Variants in DCDC1 observed in about 807,000 individuals in gnomAD.
The protein encoded by DCDC1 is doublecortin domain-containing protein 1.
Under a neutral mutation model 178.3 loss-of-function variants are expected in DCDC1, and 200 were observed. The observed-to-expected ratio is 1.12, with a 90% CI of 1.00 to 1.26. The LOEUF is 1.26. Among genes scored for constraint, DCDC1 ranks in the 50% most tolerant of loss-of-function variants. DCDC1 has a pLI of 0.00. For synonymous variants in DCDC1, 690 were observed against 604.8 expected (o/e 1.14, Z -2.07); for missense variants, 1,983 against 1,749.2 (o/e 1.13, Z -2.38).
At chr11:31,272,818 A>T (rs951060186) in intron 7 of DCDC1, among the ~76,000 whole-genome samples, 4 of 152,194 alleles carry the variant, frequency 2.6e-5, no homozygotes, top group African/African-American at 9.7e-5. Flanking sequence ...TTCCAGATGC[A>T]TGGTGCAAGT....
chr11:31,286,964 G>A (rs1260897354), intron 7 of DCDC1, among the ~76,000 whole-genome samples: 1 of 152,012 alleles, frequency 6.6e-6, no homozygotes, highest in East Asian at 1.9e-4. Flanking sequence ...CAGACTTTAT[G>A]TGGTGAAATT....
rs1958563144 is a variant in DCDC1 at position 31,102,291 on chromosome 11, A to G, written c.1878-9T>C. The G allele has an allele frequency of 4.5e-6, 3 of 671,572 alleles. No homozygotes were observed. Among genetic ancestry groups the G allele is most frequent in the Non-Finnish European group, 8.3e-6 (3 of 361,998 alleles). 41.6% of individuals were successfully genotyped at this position (671,572 alleles called of 1,614,324 possible). A position where few individuals can be genotyped will look rare whatever the true frequency, so the allele number is the denominator to read the frequency against. ...CCTCACAAACTTCCCAACTAAGAAA[A>G]GTAAAATACGTAATTATTTTTATTA... is the stretch of plus-strand genomic sequence containing the variant. On this transcript the variant is annotated splice_polypyrimidine_tract_variant and intron_variant, in intron 14 of 38. Transcript: ENST00000684477.
intron 6 of DCDC1, among the ~76,000 whole-genome samples, chr11:31,291,639 T>C (rs1947236946): frequency 6.6e-6 from 1 of 152,092 alleles, no homozygotes; most frequent in Non-Finnish European, 1.5e-5. Context: ...AATAAATAAT[T>C]TGCACCTGAG....
chr11:31,089,059 G>A (rs552632378), intron 17 of DCDC1, among the ~76,000 whole-genome samples: 1 of 151,936 alleles, frequency 6.6e-6, no homozygotes. Context: ...ATTTCCATCT[G>A]GTATCATTTT....
intron 21 of DCDC1, among the ~76,000 whole-genome samples, chr11:30,946,411 T>C (rs1216255615): frequency 6.6e-6 from 1 of 152,210 alleles, no homozygotes; most frequent in Non-Finnish European, 1.5e-5. Context: ...TTCAAACATA[T>C]TAATTCATCC....
At chr11:30,900,674 C>T (rs755975629) in intron 32 of DCDC1, among the ~76,000 whole-genome samples, 176 bp from the exon 33 acceptor site, 8 of 151,884 alleles carry the variant, frequency 5.3e-5, no homozygotes, top group Admixed American at 5.2e-4. Context: ...ATATACAACC[C>T]AAAAAATAAA....
intron 38 of DCDC1, 46 bp downstream of exon 38, chr11:30,878,498 T>G: frequency 8.6e-6 from 12 of 1,394,266 alleles, no homozygotes; most frequent in Non-Finnish European, 1.1e-5. Context: ...AAGAGATAAA[T>G]AATCATAATG....
At chr11:31,022,356 C>G (rs752800842) in intron 20 of DCDC1, among the ~76,000 whole-genome samples, 24 of 152,104 alleles carry the variant, frequency 1.6e-4, no homozygotes, top group Non-Finnish European at 2.8e-4. Flanking sequence ...CTAGCTGTGT[C>G]TCTGTCTGTT....
intron 9 of DCDC1, among the ~76,000 whole-genome samples, chr11:31,240,595 ATAT>A (rs1977001880): frequency 1.3e-5 from 2 of 151,992 alleles, no homozygotes; most frequent in South Asian, 4.1e-4. Flanking sequence ...TGCTTTCAAA[ATAT>A]TCATTTTTCA....
In DCDC1 at chr11:30,904,999, G is replaced by T. The variant is rs764255305; in HGVS notation, c.4270C>A (p.Arg1424Ser). The T allele has an allele frequency of 1.9e-6, 3 of 1,613,750 alleles. No homozygotes were observed. Among genetic ancestry groups the T allele is most frequent in the East Asian group, 4.5e-5 (2 of 44,872 alleles). The change falls in exon 31 of 39, where the codon CGT becomes AGT. Residue 1424 changes from arginine (R) to serine (S), a missense_variant. Coordinates refer to ENST00000684477, the MANE Select transcript of DCDC1 (RefSeq NM_001387274.1). ...IIAYKNGDGYRNGKLIVAGTF... is the reference protein window; with the variant it reads ...IIAYKNGDGYSNGKLIVAGTF... ...CCAGCCACAATTAACTTCCCATTAC[G>T]ATACCCATCCCCATTTTTGTATGCA...
chr11:30,905,174 T>A lies in DCDC1; in HGVS notation c.4105-10A>T, dbSNP rs1447951490. 5.1e-6 allele frequency: 8 copies of A among 1,558,196 alleles called. No individual in the cohort carries two copies. The African/African-American group carries it at 5.5e-5, about 11-fold the overall frequency. ...CACACGACAAATCAACCTAATTTTTTAAAAAATAAATTGTACATTTACTCA... is the reference window on the plus strand; with the variant it reads ...CACACGACAAATCAACCTAATTTTTAAAAAAATAAATTGTACATTTACTCA... On this transcript the variant is annotated splice_polypyrimidine_tract_variant and intron_variant, in intron 30 of 38. Coordinates refer to ENST00000684477, the MANE Select transcript of DCDC1 (RefSeq NM_001387274.1).
At chr11:31,143,290 AAT>A (rs1451999046) in intron 9 of DCDC1, among the ~76,000 whole-genome samples, 16 of 152,158 alleles carry the variant, frequency 1.1e-4, no homozygotes, top group Non-Finnish European at 1.5e-4. Context: ...ATTAATAAGT[AAT>A]ATGTTTATTA....
At chr11:30,900,688 A>G (rs1274101480) in intron 32 of DCDC1, among the ~76,000 whole-genome samples, 190 bp from the exon 33 acceptor site, 1 of 152,094 alleles carries the variant, frequency 6.6e-6, no homozygotes, top group Non-Finnish European at 1.5e-5. Flanking sequence ...AAATAAACTA[A>G]TAAGATTGTA....
At chr11:30,899,117 A>AAAAAC (rs1291598007) in intron 34 of DCDC1, among the ~76,000 whole-genome samples, 17 of 152,116 alleles carry the variant, frequency 1.1e-4, no homozygotes, top group Non-Finnish European at 7.4e-5. Flanking sequence ...GATTACTTAA[A>AAAAAC]AAAACAAAAC....
chr11:31,224,411 A>G (rs1457988251), intron 9 of DCDC1, among the ~76,000 whole-genome samples: 1 of 152,104 alleles, frequency 6.6e-6, no homozygotes, highest in Non-Finnish European at 1.5e-5. Context: ...TAAAAATTCT[A>G]GAAGATAACA....
At chr11:31,242,974 G>A (rs888923542) in intron 8 of DCDC1, among the ~76,000 whole-genome samples, 1 of 151,774 alleles carries the variant, frequency 6.6e-6, no homozygotes, top group Non-Finnish European at 1.5e-5. Context: ...ATGAGCCAAT[G>A]ACTATTGAAA....
intron 21 of DCDC1, among the ~76,000 whole-genome samples, chr11:30,935,628 ACTGCAACCTTTGC>A (rs1376724409): frequency 6.6e-6 from 1 of 151,812 alleles, no homozygotes; most frequent in Non-Finnish European, 1.5e-5. Flanking sequence ...ATCTCAGCTC[ACTGCAACCTTTGC>A]CTCCCAGGTT....
intron 9 of DCDC1, among the ~76,000 whole-genome samples, chr11:31,211,246 T>C (rs577827365): frequency 1.3e-5 from 2 of 152,280 alleles, no homozygotes; most frequent in South Asian, 4.1e-4. Flanking sequence ...AATCTAACAA[T>C]ATGTAATAAT....
At chr11:31,256,889 T>G (rs529997449) in intron 8 of DCDC1, among the ~76,000 whole-genome samples, 1 of 152,288 alleles carries the variant, frequency 6.6e-6, no homozygotes, top group South Asian at 2.1e-4. Context: ...CATATGGCAT[T>G]AGTATACTGA....
Sources: allele counts gnomAD v4.1 joint callset (sites outside exome capture counted in the v4.1 genomes callset), GRCh38; gene constraint gnomAD v4.1.1; transcripts MANE v1.5; gene names NCBI Gene and HGNC (gene_info 2026-07-23, HGNC 2026-07-21).